ZHX2: variants seen among roughly 807,000 people sequenced by gnomAD.
ZHX2 encodes the protein zinc fingers and homeoboxes 2, also known as zinc fingers and homeoboxes protein 2.
ZHX2 carries 6 observed loss-of-function variants against 21.9 expected under a neutral mutation model. The observed-to-expected ratio is 0.27, with a 90% CI of 0.15 to 0.54. The LOEUF (loss-of-function observed/expected upper bound fraction) is 0.54, where lower values mean the gene tolerates loss of function less well. Ranked by LOEUF, ZHX2 falls within the 20% of genes least tolerant of loss-of-function variation. ZHX2 has a pLI of 0.95. For missense variants in ZHX2, 908 were observed against 1,090.7 expected (o/e 0.83, Z 2.36); for synonymous variants, 434 against 437.1 (o/e 0.99, Z 0.09).
At chr8:122,863,178 C>T (rs1008603287) in intron 1 of ZHX2, among the ~76,000 whole-genome samples, 1 of 152,136 alleles carries the variant, frequency 6.6e-6, no homozygotes, top group South Asian at 2.1e-4. Context: ...TCCCGCACCC[C>T]TACATCCGCC....
intron 2 of ZHX2, among the ~76,000 whole-genome samples, chr8:122,901,042 A>G (rs1200163925): frequency 6.6e-6 from 1 of 152,220 alleles, no homozygotes; most frequent in African/African-American, 2.4e-5. Flanking sequence ...ATACCCAATA[A>G]ATACAACTAT....
At chr8:122,793,742 A>G (rs1238373196) in intron 1 of ZHX2, among the ~76,000 whole-genome samples, 1 of 152,216 alleles carries the variant, frequency 6.6e-6, no homozygotes, top group African/African-American at 2.4e-5. Flanking sequence ...GTCAAAGCCT[A>G]CGTAGATTCC....
intron 1 of ZHX2, among the ~76,000 whole-genome samples, chr8:122,827,892 C>A (rs183781055): frequency 6.6e-6 from 1 of 152,150 alleles, no homozygotes; most frequent in East Asian, 1.9e-4. Flanking sequence ...CAGGAGGATC[C>A]CTTTGAGCCC....
intron 1 of ZHX2, among the ~76,000 whole-genome samples, chr8:122,785,595 A>G (rs1367334026): frequency 1.3e-5 from 2 of 152,240 alleles, no homozygotes; most frequent in African/African-American, 4.8e-5. Flanking sequence ...GCTGTGCCAC[A>G]TGGTGACTAC....
At chr8:122,823,013 G>A (rs527728808) in intron 1 of ZHX2, among the ~76,000 whole-genome samples, 2 of 152,344 alleles carry the variant, frequency 1.3e-5, no homozygotes, top group East Asian at 3.9e-4. Context: ...CAGGTGGTAT[G>A]TTTTCTGTAA....
In ZHX2 at chr8:122,974,433, G is replaced by A. The variant is rs1270396739; in HGVS notation, c.*1196G>A. 6.6e-6 allele frequency: 1 copy of A among 152,092 alleles called. No individual in the cohort carries two copies. Among genetic ancestry groups the A allele is most frequent in the African/African-American group, 2.4e-5 (1 of 41,304 alleles). The allele number at this position is 152,092 out of a possible 1,614,324, so 9.4% of individuals were successfully genotyped here. Reference sequence around the variant, plus strand: ...CACCGCACAAGTCAAACGCTAGGAAGTTTGAATAAAACCAATTTTTCTAAC... The same window carrying A: ...CACCGCACAAGTCAAACGCTAGGAAATTTGAATAAAACCAATTTTTCTAAC... On this transcript the variant is annotated 3_prime_UTR_variant, in exon 4 of 4. Transcript: ENST00000314393.
At chr8:122,900,951 A>G (rs959382000) in intron 2 of ZHX2, among the ~76,000 whole-genome samples, 5 of 152,170 alleles carry the variant, frequency 3.3e-5, no homozygotes, top group Non-Finnish European at 7.4e-5. Flanking sequence ...TTGCATATCA[A>G]TTTTGTGTGG....
chr8:122,790,108 A>T (rs541892807), intron 1 of ZHX2, among the ~76,000 whole-genome samples: 3 of 152,168 alleles, frequency 2.0e-5, no homozygotes, highest in Non-Finnish European at 4.4e-5. Context: ...CTGGTACAGG[A>T]TATATAATGT....
intron 1 of ZHX2, among the ~76,000 whole-genome samples, chr8:122,860,700 C>T (rs1819143968): frequency 6.6e-6 from 1 of 152,088 alleles, no homozygotes. Flanking sequence ...AGATCTTCAT[C>T]AGAAGTTACA....
At chr8:122,876,790 G>C (rs1195521596) in intron 2 of ZHX2, among the ~76,000 whole-genome samples, 1 of 152,050 alleles carries the variant, frequency 6.6e-6, no homozygotes, top group African/African-American at 2.4e-5. Context: ...TGAGTGTAGA[G>C]AGCCCTTGCC....
intron 2 of ZHX2, among the ~76,000 whole-genome samples, chr8:122,867,884 T>C (rs1385662735): frequency 1.3e-5 from 2 of 152,234 alleles, no homozygotes; most frequent in Admixed American, 6.5e-5. Flanking sequence ...TACAGATAGA[T>C]TTTTTAAAAT....
chr8:122,912,759 G>A (rs1250236681), intron 2 of ZHX2, among the ~76,000 whole-genome samples: 1 of 151,982 alleles, frequency 6.6e-6, no homozygotes, highest in Admixed American at 6.5e-5. Context: ...CACCTACTAT[G>A]TCCCAGGTAC....
intron 1 of ZHX2, among the ~76,000 whole-genome samples, chr8:122,793,510 G>A (rs541014655): frequency 6.6e-6 from 1 of 152,332 alleles, no homozygotes; most frequent in Admixed American, 6.5e-5. Context: ...ACACCTGCTG[G>A]ATGATACTTG....
At chr8:122,912,393 C>T (rs529758281) in intron 2 of ZHX2, among the ~76,000 whole-genome samples, 12 of 152,306 alleles carry the variant, frequency 7.9e-5, no homozygotes, top group Non-Finnish European at 1.6e-4. Flanking sequence ...CTCACAGCCC[C>T]ACCAATGGCA....
intron 1 of ZHX2, among the ~76,000 whole-genome samples, chr8:122,811,594 G>A (rs542127926): frequency 1.3e-4 from 20 of 152,316 alleles, no homozygotes; most frequent in Non-Finnish European, 2.2e-4. Context: ...GGGGCAGACA[G>A]AACAGAAAGA....
intron 1 of ZHX2, among the ~76,000 whole-genome samples, chr8:122,831,894 C>T (rs568446262): frequency 6.6e-6 from 1 of 152,208 alleles, no homozygotes; most frequent in African/African-American, 2.4e-5. Flanking sequence ...CGAGTGAGGG[C>T]GATGAGTTCA....
intron 1 of ZHX2, among the ~76,000 whole-genome samples, chr8:122,843,953 C>T (rs1467640180): frequency 1.8e-5 from 2 of 113,648 alleles, no homozygotes; most frequent in Non-Finnish European, 3.5e-5. Flanking sequence ...TTTTTGTTCT[C>T]ACCCTTCACA....
chr8:122,960,864 C>T (rs1322051620), intron 3 of ZHX2, among the ~76,000 whole-genome samples: 1 of 152,124 alleles, frequency 6.6e-6, no homozygotes, highest in Non-Finnish European at 1.5e-5. Flanking sequence ...AGTTTGATGC[C>T]CTCTGAGCTA....
At chr8:122,961,864 T>TCTCAAC (rs1813458687) in intron 3 of ZHX2, among the ~76,000 whole-genome samples, 2 of 152,162 alleles carry the variant, frequency 1.3e-5, no homozygotes, top group Non-Finnish European at 2.9e-5. Context: ...GGTTCTAGCA[T>TCTCAAC]TAGTACCAAT....
Sources: gnomAD v4.1 joint callset for allele counts (sites outside exome capture counted in the v4.1 genomes callset) on GRCh38, gnomAD v4.1.1 for gene constraint, MANE v1.5 for transcripts, NCBI Gene and HGNC (gene_info 2026-07-23, HGNC 2026-07-21) for gene names.